CLK4: variants seen among roughly 807,000 people sequenced by gnomAD.
The protein encoded by CLK4 is dual specificity protein kinase CLK4.
A neutral mutation model predicts 64.4 loss-of-function variants in CLK4; 37 were observed. That is an observed-to-expected ratio of 0.57 (90% CI 0.44 to 0.76). The LOEUF (loss-of-function observed/expected upper bound fraction) is 0.76. Among genes scored for constraint, CLK4 ranks in the 30% least tolerant of loss-of-function variants. The pLI is 0.00. For synonymous variants in CLK4, 175 were observed against 191.6 expected, an observed-to-expected ratio of 0.91 and a Z score of 0.72; for missense variants, 457 against 605.1, an observed-to-expected ratio of 0.76 and a Z score of 2.57.
chr5:178,606,138 T>C lies in CLK4; in HGVS notation c.1135-756A>G, dbSNP rs1177715576. ...CACATTTTAAAGAAATTCCTTAGTT[T>C]AAGAGTATTTTGCAGGGTGGAGTTA... is the stretch of plus-strand genomic sequence containing the variant. On this transcript the variant is annotated intron_variant, in intron 10 of 12. Transcript: ENST00000316308. 3.3e-5 allele frequency among the ~76,000 whole-genome samples: 5 copies of C among 152,362 alleles called. No individual in the cohort carries two copies. In the East Asian group the frequency reaches 9.6e-4, roughly 29 times the overall value.
intron 1 of CLK4, among the ~76,000 whole-genome samples, chr5:178,624,104 A>C (rs1764747681): frequency 6.6e-6 from 1 of 152,250 alleles, no homozygotes; most frequent in Admixed American, 6.5e-5. Context: ...TTTTCTCTAA[A>C]TCTCAGAATG....
intron 9 of CLK4, among the ~76,000 whole-genome samples, chr5:178,609,123 G>T (rs977731003): frequency 6.6e-6 from 1 of 152,100 alleles, no homozygotes; most frequent in Non-Finnish European, 1.5e-5. Context: ...GTATTATTCA[G>T]ATCAGAATAA....
intron 2 of CLK4, chr5:178,620,129 G>A (rs1764689665): frequency 3.4e-6 from 1 of 293,316 alleles, no homozygotes; most frequent in African/African-American, 2.2e-5. Context: ...ACAGAAACCC[G>A]GTTCTCTTTC....
At chr5:178,613,046 C>T (rs1764578872) in intron 7 of CLK4, among the ~76,000 whole-genome samples, 156 bp from the exon 8 acceptor site, 1 of 152,100 alleles carries the variant, frequency 6.6e-6, no homozygotes, top group African/African-American at 2.4e-5. Flanking sequence ...GGATATATAG[C>T]TTGTATAATA....
At chr5:178,607,546 CTGTTGTCCAGGCTGGAG>C (rs1764485666) in intron 10 of CLK4, among the ~76,000 whole-genome samples, 1 of 142,626 alleles carries the variant, frequency 7.0e-6, no homozygotes, top group Non-Finnish European at 1.5e-5. Flanking sequence ...GAGTCTCACC[CTGTTGTCCAGGCTGGAG>C]TGCAGTGGCA....
Position 178,613,189 on chromosome 5 carries a change from G to A in CLK4, c.826+284C>T, listed in dbSNP as rs529466783. 9.8e-5 allele frequency among the ~76,000 whole-genome samples: 15 copies of A among 152,286 alleles called. No individual in the cohort carries two copies. In the Middle Eastern group the frequency reaches 0.017, roughly 173 times the overall value. On this transcript the variant is annotated intron_variant, in intron 7 of 12. Coordinates refer to ENST00000316308, the MANE Select transcript of CLK4 (RefSeq NM_020666.3). ...TATAACCCCAGCACTTTGGGAGGCCGAGGGGGGCAATCACAAGGTCAGGAG... is the reference window on the plus strand; with the variant it reads ...TATAACCCCAGCACTTTGGGAGGCCAAGGGGGGCAATCACAAGGTCAGGAG...
intron 9 of CLK4, among the ~76,000 whole-genome samples, chr5:178,609,690 A>G (rs1007613222): frequency 2.7e-5 from 4 of 146,630 alleles, no homozygotes; most frequent in African/African-American, 1.0e-4. Context: ...TCTCAAAAAA[A>G]TAAATAAACA....
At position 178,608,368 on chromosome 5, in the gene CLK4, C is replaced by T; in HGVS notation, c.1134+8G>A. 1 of 1,564,508 alleles carries T rather than the reference C, an allele frequency of 6.4e-7. No homozygotes were observed. The highest frequency in any genetic ancestry group is 8.7e-7 in the Non-Finnish European group (1 of 1,149,120). Reference sequence around the variant, plus strand: ...TGAATTATTAAATGGAATTTACTAGCCACGTACCTGAAAGACTGTGAAACC... The same window carrying T: ...TGAATTATTAAATGGAATTTACTAGTCACGTACCTGAAAGACTGTGAAACC... On this transcript the variant is annotated splice_region_variant and intron_variant, in intron 10 of 12. Transcript: ENST00000316308.
chr5:178,620,762 A>AAAATCC, intron 2 of CLK4: 1 of 284,650 alleles, frequency 3.5e-6, no homozygotes, highest in South Asian at 3.0e-5. Context: ...AAAATGAAAC[A>AAAATCC]AAATCCAACA....
chr5:178,620,361 G>A (rs1358584398), intron 2 of CLK4: 3 of 235,812 alleles, frequency 1.3e-5, no homozygotes, highest in Non-Finnish European at 2.6e-5. Flanking sequence ...ATCTTTAGCT[G>A]GAATACTGCA....
rs760437793 is a variant in CLK4, at chr5:178,617,403, A to G, written c.416T>C (p.Ile139Thr). 2 of 1,613,998 alleles carry G rather than the reference A, an allele frequency of 1.2e-6. No individual in the cohort carries two copies. Among genetic ancestry groups the G allele is most frequent in the African/African-American group, 1.3e-5 (1 of 75,048 alleles). The change falls in exon 4 of 13, where the codon ATA becomes ACA. Residue 139 changes from isoleucine to threonine, a missense_variant. Physicochemically the swap from Ile to Thr is moderately conservative, Grantham distance 89. Coordinates refer to ENST00000316308, the MANE Select transcript of CLK4 (RefSeq NM_020666.3). This position sits in a 1 kb window ranked among gnomAD's most constrained non-coding sequence, Gnocchi z 5.2. ...CAGGTGACCCTCCTCATCATCCTCT[A>G]TACTCCTGGATCTTTTCCTTCGGTG... ...KSHRRKRSRS[I>T]EDDEEGHLIC...
At chr5:178,606,981 A>C (rs569688787) in intron 10 of CLK4, among the ~76,000 whole-genome samples, 1 of 152,090 alleles carries the variant, frequency 6.6e-6, no homozygotes, top group East Asian at 1.9e-4. Flanking sequence ...AAAAAAAATT[A>C]AGATTTCAGA....
At chr5:178,607,748 G>A (rs1433945130) in intron 10 of CLK4, among the ~76,000 whole-genome samples, 1 of 151,632 alleles carries the variant, frequency 6.6e-6, no homozygotes, top group Non-Finnish European at 1.5e-5. Context: ...CTGACCTCAT[G>A]ATCCACCCAC....
intron 2 of CLK4, chr5:178,619,787 AAAG>A: frequency 7.8e-7 from 1 of 1,288,342 alleles, no homozygotes; most frequent in Non-Finnish European, 1.0e-6. Flanking sequence ...GATCTGATGG[AAAG>A]AAAAGGACAT....
rs1392774277 is a variant in CLK4, at chr5:178,605,351, A to G, written c.1166T>C (p.Met389Thr). The change falls in exon 11 of 13, where the codon ATG (methionine) becomes ACG (threonine). Residue 389 changes from methionine to threonine, a missense_variant. Transcript: ENST00000316308. ...THDSKEHLAMMERILGPIPQH... is the reference protein window; with the variant it reads ...THDSKEHLAMTERILGPIPQH... ...TGGTATGGGTCCTAATATTCGTTCC[A>G]TCATTGCCAGGTGCTCTTTACTATC... The G allele has an allele frequency of 6.3e-7, 1 of 1,596,768 alleles. No individual in the cohort carries two copies. The highest frequency in any genetic ancestry group is 1.4e-5 in the African/African-American group (1 of 73,658).
chr5:178,617,569 G>C lies in CLK4; in HGVS notation c.385-135C>G. 1.1e-6 allele frequency: 1 copy of C among 939,172 alleles called. No individual in the cohort carries two copies. The allele number at this position is 939,172 out of a possible 1,614,324, so 58.2% of individuals were successfully genotyped here. On this transcript the variant is annotated intron_variant, in intron 3 of 12. Transcript: ENST00000316308. This position sits in a 1 kb window ranked among gnomAD's most constrained non-coding sequence, Gnocchi z 5.2. ...ATAAGCACCAGGCCACGAACAGTTG[G>C]CAGGAGCAATTTCAAATTCAGTCCC...
chr5:178,624,353 T>C (rs1257990459), intron 1 of CLK4, among the ~76,000 whole-genome samples: 6 of 152,218 alleles, frequency 3.9e-5, no homozygotes, highest in Non-Finnish European at 7.3e-5. Context: ...ATTTTCTCTA[T>C]CCAACAAGTT....
At position 178,612,518 on chromosome 5, in the gene CLK4, T is replaced by G. The variant is rs967449582; in HGVS notation, c.949A>C (p.Thr317Pro). The change falls in exon 9 of 13, where the codon ACA becomes CCA. Residue 317 changes from threonine (T) to proline (P), a missense_variant. Transcript: ENST00000316308. ...CCAAAGTCAACAACTTTGATATCTG[T>G]GTTTTTCAGTGTGCGTTCATCACGT... Reference protein sequence around the residue: ...MKRDERTLKNTDIKVVDFGSA... With the variant: ...MKRDERTLKNPDIKVVDFGSA... 2.5e-6 allele frequency: 4 copies of G among 1,614,004 alleles called. No individual in the cohort carries two copies. Among genetic ancestry groups the G allele is most frequent in the Non-Finnish European group, 3.4e-6 (4 of 1,179,978 alleles).
At chr5:178,624,790 G>T (rs1171709820) in intron 1 of CLK4, among the ~76,000 whole-genome samples, 1 of 152,160 alleles carries the variant, frequency 6.6e-6, no homozygotes, top group African/African-American at 2.4e-5. Context: ...AATGCAAGCA[G>T]AAATTTAAAT....
Sources: allele counts gnomAD v4.1 joint callset (sites outside exome capture counted in the v4.1 genomes callset), GRCh38; gene constraint gnomAD v4.1.1; non-coding constraint Gnocchi (gnomAD v3.1); transcripts MANE v1.5; gene names NCBI Gene and HGNC (gene_info 2026-07-23, HGNC 2026-07-21).